INSYN2A: variants seen among roughly 807,000 people sequenced by gnomAD.
INSYN2A encodes inhibitory synaptic factor 2A.
A neutral mutation model predicts 39.4 loss-of-function variants in INSYN2A; 17 were observed. The ratio of observed to expected loss-of-function variants is 0.43; its 90% CI spans 0.30 to 0.65. The LOEUF is 0.65. INSYN2A is among the 30% of genes least tolerant of loss of function. The pLI is 0.14. For synonymous variants in INSYN2A, 255 were observed against 265.7 expected (o/e 0.96, Z 0.39); for missense variants, 595 against 631.2 (o/e 0.94, Z 0.61).
chr10:127,170,971 C>A (rs1222200360), intron 4 of INSYN2A, among the ~76,000 whole-genome samples: 1 of 152,214 alleles, frequency 6.6e-6, no homozygotes, highest in African/African-American at 2.4e-5. Flanking sequence ...ACTTTTTGCA[C>A]ATCTAACCTA....
chr10:127,144,233 T>TA (rs2051565781), intron 5 of INSYN2A, among the ~76,000 whole-genome samples: 1 of 152,146 alleles, frequency 6.6e-6, no homozygotes, highest in African/African-American at 2.4e-5. Flanking sequence ...TCCCTGCTTA[T>TA]CCTTCAAAAC....
At position 127,153,882 on chromosome 10, in the gene INSYN2A, G is replaced by T. The variant is rs1226349925; in HGVS notation, c.1226C>A (p.Thr409Lys). The T allele has an allele frequency of 3.1e-6, 5 of 1,613,850 alleles. No homozygotes were observed. In the South Asian group the frequency reaches 4.4e-5, roughly 14 times the overall value. The change falls in exon 5 of 6, where the codon ACA (threonine) becomes AAA (lysine). Residue 409 changes from threonine to lysine, a missense_variant. By Grantham distance (78) the Thr-to-Lys change is moderately conservative. Coordinates refer to ENST00000522781, the MANE Select transcript of INSYN2A (RefSeq NM_001039762.3). Reference protein sequence around the residue: ...RTGQDTANCDTCRNSACIIYS... With the variant: ...RTGQDTANCDKCRNSACIIYS... ...GATAATACATGCACTGTTCCTGCATGTGTCACAATTAGCTGTGTCTTGCCC... is the reference window on the plus strand; with the variant it reads ...GATAATACATGCACTGTTCCTGCATTTGTCACAATTAGCTGTGTCTTGCCC...
intron 5 of INSYN2A, among the ~76,000 whole-genome samples, chr10:127,149,118 T>C (rs1000058451): frequency 1.3e-5 from 2 of 152,178 alleles, no homozygotes; most frequent in African/African-American, 4.8e-5. Context: ...CTTTTACCCT[T>C]CTGTGCAGTC....
chr10:127,189,158 G>C (rs1224553111), intron 2 of INSYN2A, among the ~76,000 whole-genome samples: 1 of 152,198 alleles, frequency 6.6e-6, no homozygotes, highest in Non-Finnish European at 1.5e-5. Context: ...CCACCAGAAG[G>C]TTCCAACCTT....
At chr10:127,171,086 A>G (rs1005980886) in intron 4 of INSYN2A, among the ~76,000 whole-genome samples, 3 of 152,210 alleles carry the variant, frequency 2.0e-5, no homozygotes, top group African/African-American at 4.8e-5. Flanking sequence ...ACTGTATTTC[A>G]GTGTCTACCA....
chr10:127,146,908 C>T (rs1243360091), intron 5 of INSYN2A, among the ~76,000 whole-genome samples: 5 of 152,130 alleles, frequency 3.3e-5, no homozygotes, highest in East Asian at 3.9e-4. Context: ...CCGGTTCTGC[C>T]GGCTGTCTTG....
chr10:127,142,248 C>G (rs1322571420), intron 5 of INSYN2A, among the ~76,000 whole-genome samples: 7 of 152,192 alleles, frequency 4.6e-5, no homozygotes, highest in Non-Finnish European at 1.0e-4. Context: ...TACAGCCACA[C>G]GGGCACGTGG....
chr10:127,175,951 C>T lies in INSYN2A; in HGVS notation c.445G>A (p.Glu149Lys). The T allele has an allele frequency of 6.2e-7, 1 of 1,614,228 alleles. No homozygotes were observed. Residue 149 changes from glutamate (E) to lysine (K), a missense_variant, in exon 4 of 6, where the codon GAG (glutamate) becomes AAG (lysine). Physicochemically the swap from Glu to Lys is moderately conservative, Grantham distance 56. Transcript: ENST00000522781. This position sits in a 1 kb window ranked among gnomAD's most constrained non-coding sequence, Gnocchi z 6.3. ...QNNGFLTDAKEKNEAGPMEEA... is the reference protein window; with the variant it reads ...QNNGFLTDAKKKNEAGPMEEA... ...TCCATGGGTCCAGCCTCGTTCTTCT[C>T]TTTCGCATCTGTTAGAAACCCATTG...
At chr10:127,155,567 C>T (rs2052960580) in intron 4 of INSYN2A, among the ~76,000 whole-genome samples, 1 of 152,134 alleles carries the variant, frequency 6.6e-6, no homozygotes, top group Non-Finnish European at 1.5e-5. Flanking sequence ...CAGCCTGTGC[C>T]TTATCCCCTC....
intron 4 of INSYN2A, among the ~76,000 whole-genome samples, chr10:127,160,014 G>A (rs191087933): frequency 3.3e-5 from 5 of 152,158 alleles, no homozygotes; most frequent in East Asian, 1.9e-4. Flanking sequence ...CTTTCTTCCC[G>A]GCCACATATC....
intron 4 of INSYN2A, among the ~76,000 whole-genome samples, chr10:127,166,932 G>C (rs1484926503): frequency 1.3e-5 from 2 of 152,052 alleles, no homozygotes; most frequent in African/African-American, 4.8e-5. Flanking sequence ...TTAAAAGGCT[G>C]AGGAGGTATT....
chr10:127,176,236 C>G lies in INSYN2A; in HGVS notation c.160G>C (p.Glu54Gln). 1.2e-6 allele frequency: 2 copies of G among 1,614,098 alleles called. No homozygotes were observed. Among genetic ancestry groups the G allele is most frequent in the Non-Finnish European group, 1.7e-6 (2 of 1,180,034 alleles). Reference sequence around the variant, plus strand: ...GTGTCCCTCTGCTCATTCTGTGCCTCGCAGATATCCTTAAACCGCACCTGC... The same window carrying G: ...GTGTCCCTCTGCTCATTCTGTGCCTGGCAGATATCCTTAAACCGCACCTGC... ...ALQVRFKDIC[E>Q]AQNEQRDTQL... Residue 54 changes from glutamate (E) to glutamine (Q), a missense_variant, in exon 4 of 6, where the codon GAG (glutamate) becomes CAG (glutamine). Glu to Gln is a conservative substitution (Grantham distance 29). Transcript: ENST00000522781. This position sits in a 1 kb window ranked among gnomAD's most constrained non-coding sequence, Gnocchi z 4.4.
chr10:127,167,501 T>C (rs2054180323), intron 4 of INSYN2A, among the ~76,000 whole-genome samples: 1 of 151,420 alleles, frequency 6.6e-6, no homozygotes, highest in South Asian at 2.1e-4. Flanking sequence ...TGCAGCGAGG[T>C]TCCCCCCCGC....
At chr10:127,167,970 G>A (rs1191286335) in intron 4 of INSYN2A, among the ~76,000 whole-genome samples, 1 of 152,174 alleles carries the variant, frequency 6.6e-6, no homozygotes, top group Non-Finnish European at 1.5e-5. Context: ...AACTTACTGA[G>A]TGCAAACATA....
At chr10:127,178,832 G>A (rs1358087754) in intron 2 of INSYN2A, among the ~76,000 whole-genome samples, 3 of 152,158 alleles carry the variant, frequency 2.0e-5, no homozygotes, top group South Asian at 2.1e-4. Flanking sequence ...AGAAAGCATC[G>A]ATGGCTTTTA....
Position 127,168,661 on chromosome 10 carries a change from A to G in INSYN2A, c.1184+6551T>C, listed in dbSNP as rs532983259. Among the ~76,000 whole-genome samples the G allele has an allele frequency of 2.0e-5, 3 of 152,348 alleles. No individual in the cohort carries two copies. The East Asian group carries it at 5.8e-4, about 29-fold the overall frequency. ...TAAGTGGGTAGGTTTTGGCAAGAAC[A>G]ACCTAATCATCCTGCTAGAGAGTGC... On this transcript the variant is annotated intron_variant, in intron 4 of 5. Coordinates refer to ENST00000522781, the MANE Select transcript of INSYN2A (RefSeq NM_001039762.3).
chr10:127,145,492 T>A (rs2051724840), intron 5 of INSYN2A, among the ~76,000 whole-genome samples: 2 of 152,150 alleles, frequency 1.3e-5, no homozygotes, highest in African/African-American at 4.8e-5. Flanking sequence ...TGACAGAAAC[T>A]GTGTTATAAC....
Position 127,176,541 on chromosome 10 carries a change from G to T in INSYN2A, c.-5-141C>A, listed in dbSNP as rs1024033466. On this transcript the variant is annotated intron_variant, in intron 3 of 5. Transcript: ENST00000522781. This position sits in a 1 kb window ranked among gnomAD's most constrained non-coding sequence, Gnocchi z 4.4. ...AGGTGAGGTCGGCCTTTATGTTAAG[G>T]AAAATCACACGGGCTGAGAGTCGCT... 1.5e-6 allele frequency: 1 copy of T among 674,246 alleles called. No homozygotes were observed. The highest frequency in any genetic ancestry group is 2.5e-6 in the Non-Finnish European group (1 of 405,310). 41.8% of individuals were successfully genotyped at this position (674,246 alleles called of 1,614,324 possible).
intron 4 of INSYN2A, among the ~76,000 whole-genome samples, chr10:127,164,019 A>AATG (rs1192022975): frequency 1.3e-5 from 2 of 151,922 alleles, no homozygotes; most frequent in Non-Finnish European, 2.9e-5. Context: ...AAAGGGTAAC[A>AATG]ATGCTGGTGG....
Sources: allele counts gnomAD v4.1 joint callset (sites outside exome capture counted in the v4.1 genomes callset), GRCh38; gene constraint gnomAD v4.1.1; non-coding constraint Gnocchi (gnomAD v3.1); transcripts MANE v1.5; gene names NCBI Gene and HGNC (gene_info 2026-07-23, HGNC 2026-07-21).